The following MOV10 variants were observed in gnomAD, a reference collection of about 807,000 sequenced individuals.
The protein encoded by MOV10 is RNA helicase MOV-10.
A neutral mutation model predicts 108.4 loss-of-function variants in MOV10; 39 were observed. That is an observed-to-expected ratio of 0.36 (90% CI 0.28 to 0.47). The LOEUF (loss-of-function observed/expected upper bound fraction) is 0.47, where lower values mean the gene tolerates loss of function less well. Among genes scored for constraint, MOV10 ranks in the 20% least tolerant of loss-of-function variants. The pLI, the probability that MOV10 is intolerant of heterozygous loss-of-function variation, is 1.00. For missense variants in MOV10, 952 were observed against 1,297.6 expected, an observed-to-expected ratio of 0.73 and a Z score of 4.09; for synonymous variants, 490 against 523.1, an observed-to-expected ratio of 0.94 and a Z score of 0.86.
intron 2 of MOV10, among the ~76,000 whole-genome samples, chr1:112,680,536 G>T (rs1208971686): frequency 6.7e-6 from 1 of 149,928 alleles, no homozygotes; most frequent in South Asian, 2.1e-4. Flanking sequence ...GGCGCCTGTA[G>T]TCCCAGCTAC....
chr1:112,676,685 G>A (rs1056534362), intron 2 of MOV10, among the ~76,000 whole-genome samples: 5 of 152,142 alleles, frequency 3.3e-5, no homozygotes, highest in African/African-American at 1.2e-4. Context: ...GGCAGACCAA[G>A]GACTTGTACA....
chr1:112,684,711 T>A (rs1672942020), intron 2 of MOV10, among the ~76,000 whole-genome samples: 1 of 152,266 alleles, frequency 6.6e-6, no homozygotes, highest in Admixed American at 6.5e-5. Flanking sequence ...TAATATATGC[T>A]AGAACTATGT....
At chr1:112,676,766 A>T (rs4839257) in intron 2 of MOV10, among the ~76,000 whole-genome samples, 108,596 of 151,986 alleles carry the variant, frequency 0.71, 39,270 homozygotes, top group South Asian at 0.86. Context: ...GAGTCTCACT[A>T]AAATGACTTC....
intron 14 of MOV10, 89 bp from the exon 15 acceptor site, chr1:112,697,905 T>G (rs754297961): frequency 1.6e-4 from 167 of 1,046,462 alleles, no homozygotes; most frequent in Non-Finnish European, 2.2e-4. Context: ...CAGGCTATTG[T>G]GTGTGGGCCC....
chr1:112,697,285 C>T (rs956267221), intron 14 of MOV10, among the ~76,000 whole-genome samples: 7 of 152,160 alleles, frequency 4.6e-5, no homozygotes, highest in African/African-American at 1.2e-4. Context: ...GCCTGTCCAA[C>T]ATGGTGAAAC....
rs1673726343 is a variant in MOV10 at position 112,693,043 on chromosome 1, C to T, written c.1140+114C>T. 6.8e-6 allele frequency: 7 copies of T among 1,026,256 alleles called. No homozygotes were observed. In the East Asian group the frequency reaches 1.8e-4, roughly 27 times the overall value. 63.6% of individuals were successfully genotyped at this position (1,026,256 alleles called of 1,614,324 possible). A position where few individuals can be genotyped will look rare whatever the true frequency, so the allele number is the denominator to read the frequency against. On this transcript the variant is annotated intron_variant, in intron 7 of 20. Transcript: ENST00000369645. ...AACAAGAGGAAAGTTGAAGTGGTTC[C>T]CAGGGCTCCGCAAGAAGCAGGGTGG...
At chr1:112,690,939 G>C (rs1338958040) in intron 5 of MOV10, among the ~76,000 whole-genome samples, 2 of 152,144 alleles carry the variant, frequency 1.3e-5, no homozygotes, top group Non-Finnish European at 2.9e-5. Flanking sequence ...GATATGTGTA[G>C]ACATCTCTTT....
At chr1:112,681,159 C>A (rs1570755613) in intron 2 of MOV10, among the ~76,000 whole-genome samples, 2 of 151,994 alleles carry the variant, frequency 1.3e-5, no homozygotes, top group African/African-American at 4.8e-5. Flanking sequence ...CTCTTGATAT[C>A]AATCAGGGTG....
At chr1:112,686,432 T>C (rs1039379440) in intron 2 of MOV10, among the ~76,000 whole-genome samples, 2 of 152,204 alleles carry the variant, frequency 1.3e-5, no homozygotes, top group Admixed American at 6.5e-5. Flanking sequence ...TTTGAGACTT[T>C]GCTGATTCTC....
intron 14 of MOV10, 88 bp from the exon 15 acceptor site, chr1:112,697,906 G>GT: frequency 9.4e-7 from 1 of 1,067,696 alleles, no homozygotes; most frequent in East Asian, 2.4e-5. Flanking sequence ...AGGCTATTGT[G>GT]TGTGGGCCCA....
At chr1:112,686,885 C>T (rs1265061966) in intron 2 of MOV10, 5 of 455,626 alleles carry the variant, frequency 1.1e-5, no homozygotes, top group Admixed American at 2.4e-5. Context: ...GTATCTCTAC[C>T]CACTGCCTTG....
Position 112,689,471 on chromosome 1 carries a change from A to C in MOV10, c.398A>C (p.Glu133Ala). 6.2e-7 allele frequency: 1 copy of C among 1,613,598 alleles called. No individual in the cohort carries two copies. Among genetic ancestry groups the C allele is most frequent in the Non-Finnish European group, 8.5e-7 (1 of 1,179,842 alleles). Residue 133 changes from glutamate to alanine, a missense_variant, in exon 4 of 21, where the codon GAA becomes GCA. Physicochemically the swap from Glu to Ala is moderately radical, Grantham distance 107. Around this residue, in one of 5 missense-constraint regions of MOV10, gnomAD observed 374 missense variants for 468.6 expected, o/e 0.80. Transcript: ENST00000369645. Reference protein sequence around the residue: ...GVDVEVQGPHEARDGQLLIRL... With the variant: ...GVDVEVQGPHAARDGQLLIRL... ...GATGTGGAAGTCCAGGGGCCCCATG[A>C]AGCCCGAGATGGGCAGCTCCTTATC...
In MOV10 at chr1:112,692,949, G is replaced by T; in HGVS notation, c.1140+20G>T. On this transcript the variant is annotated intron_variant, in intron 7 of 20. Coordinates refer to ENST00000369645, the MANE Select transcript of MOV10 (RefSeq NM_001321324.2). ...CTGGAGGTCAGGGCTCAGATTGAGT[G>T]TGAGGAGGGTGGGCTCAAGCCAGCC... 6.3e-7 allele frequency: 1 copy of T among 1,593,548 alleles called. No individual in the cohort carries two copies. Among genetic ancestry groups the T allele is most frequent in the Non-Finnish European group, 8.5e-7 (1 of 1,170,198 alleles).
rs1475216400 is a variant in MOV10 at position 112,700,399 on chromosome 1, A to G, written c.2921-17A>G. On this transcript the variant is annotated splice_polypyrimidine_tract_variant and intron_variant, in intron 20 of 20. Transcript: ENST00000369645. ...GGAGGTGGTAAGGAAGACACAGTGT[A>G]CTTTCTCTCTTTCCAGGGCCCCACA... 2 of 1,613,594 alleles carry G rather than the reference A, an allele frequency of 1.2e-6. No individual in the cohort carries two copies. The highest frequency in any genetic ancestry group is 1.7e-6 in the Non-Finnish European group (2 of 1,179,776).
chr1:112,688,629 G>T (rs1024672738), intron 2 of MOV10: 2 of 1,283,426 alleles, frequency 1.6e-6, no homozygotes, highest in Admixed American at 3.5e-5. Context: ...GTCTTTCTCT[G>T]TCTTCCCTCA....
In MOV10 at chr1:112,675,843, AAG is replaced by A. The variant is rs1265705273; in HGVS notation, c.137+795_137+796del. Among the ~76,000 whole-genome samples, 3 of 152,242 alleles carry A rather than the reference AAG, an allele frequency of 2.0e-5. No homozygotes were observed. Among genetic ancestry groups the A allele is most frequent in the Non-Finnish European group, 4.4e-5 (3 of 68,040 alleles). ...GTGGAAAACCAAGAAGCAGTTTAAC[AAG>A]GGTAAACGTAAAGACTTGTACAAAT... On this transcript the variant is annotated intron_variant, in intron 2 of 20. Transcript: ENST00000369645. The surrounding 1 kb of genome is among the most constrained non-coding windows in gnomAD (Gnocchi z 4.7).
chr1:112,698,032 A>T lies in MOV10; in HGVS notation c.2237A>T (p.Tyr746Phe). 1 of 1,614,172 alleles carries T rather than the reference A, an allele frequency of 6.2e-7. No individual in the cohort carries two copies. Among genetic ancestry groups the T allele is most frequent in the South Asian group, 1.1e-5 (1 of 91,086 alleles). Residue 746 changes from tyrosine to phenylalanine, a missense_variant, in exon 15 of 21, where the codon TAT (tyrosine) becomes TTT (phenylalanine). Tyr to Phe is a conservative substitution (Grantham distance 22). Transcript: ENST00000369645. ...ATCCTGGACATTCCTAACCAGCTCT[A>T]TTATGAAGGGGAGCTGCAGGCCTGT... The part of the protein sequence containing the change: ...PTILDIPNQL[Y>F]YEGELQACAD...
intron 10 of MOV10, 131 bp from the exon 11 acceptor site, chr1:112,695,285 A>G: frequency 3.4e-6 from 3 of 879,320 alleles, no homozygotes; most frequent in Non-Finnish European, 5.2e-6. Context: ...GCACTGTTGT[A>G]CGGGTAGGGC....
In MOV10 at chr1:112,700,437, T is replaced by C. The variant is rs748758956; in HGVS notation, c.2942T>C (p.Leu981Pro). The C allele has an allele frequency of 1.2e-5, 19 of 1,613,156 alleles. No individual in the cohort carries two copies. In the Admixed American group the frequency reaches 3.2e-4, roughly 27 times the overall value. Reference sequence around the variant, plus strand: ...CCAGGGCCCCACAGCCATGACTACCTCCCCCAGGAGCGGGAGGGTGAAGGG... The same window carrying C: ...CCAGGGCCCCACAGCCATGACTACCCCCCCCAGGAGCGGGAGGGTGAAGGG... ...STSGPHSHDY[L>P]PQEREGEGGL... The change falls in exon 21 of 21, where the codon CTC becomes CCC. Residue 981 changes from leucine (L) to proline (P), a missense_variant. This residue lies in a region of MOV10 where 42 missense variants were observed against 36.5 expected (regional missense o/e 1.15). Coordinates refer to ENST00000369645, the MANE Select transcript of MOV10 (RefSeq NM_001321324.2).
Sources: allele counts gnomAD v4.1 joint callset (sites outside exome capture counted in the v4.1 genomes callset), GRCh38; gene constraint gnomAD v4.1.1; regional missense constraint gnomAD v4.1.1; non-coding constraint Gnocchi (gnomAD v3.1); transcripts MANE v1.5; gene names NCBI Gene and HGNC (gene_info 2026-07-23, HGNC 2026-07-21).